AGAP1: variants seen among roughly 807,000 people sequenced by gnomAD.
AGAP1 encodes ArfGAP with GTPase domain, ankyrin repeat and PH domain 1.
AGAP1 carries 29 observed loss-of-function variants against 105.3 expected under a neutral mutation model. That is an observed-to-expected ratio of 0.28 (90% CI 0.21 to 0.38). The LOEUF is 0.38. Among genes scored for constraint, AGAP1 ranks in the 10% least tolerant of loss-of-function variants. The pLI is 1.00. For missense variants in AGAP1, 998 were observed against 1,165.1 expected (o/e 0.86, Z 2.09); for synonymous variants, 509 against 485.9 (o/e 1.05, Z -0.63).
intron 4 of AGAP1, among the ~76,000 whole-genome samples, chr2:235,742,088 C>T (rs1006687130): frequency 3.3e-5 from 5 of 152,184 alleles, no homozygotes; most frequent in South Asian, 2.1e-4. Flanking sequence ...GAGCTGGTAA[C>T]GGCTAGTGAC....
At chr2:235,730,778 T>C (rs1951903019) in intron 3 of AGAP1, among the ~76,000 whole-genome samples, 1 of 152,222 alleles carries the variant, frequency 6.6e-6, no homozygotes, top group Non-Finnish European at 1.5e-5. Flanking sequence ...GCTGAAATAT[T>C]CAAGCACCAC....
chr2:236,112,711 C>T (rs950552760), intron 16 of AGAP1, among the ~76,000 whole-genome samples: 3 of 152,244 alleles, frequency 2.0e-5, no homozygotes, highest in East Asian at 1.9e-4. Flanking sequence ...CGCATTCACA[C>T]GCACACGCAC....
chr2:235,906,979 C>G lies in AGAP1; in HGVS notation c.1156-1759C>G, dbSNP rs6737735. Among the ~76,000 whole-genome samples the G allele has an allele frequency of 0.79, 119,519 of 152,108 alleles. 47,056 individuals carry two copies. The highest frequency in any genetic ancestry group is 0.98 in the East Asian group (5,059 of 5,160). ...TACAGTGAGCTGAGTTCATGCCACT[C>G]CACTCCAGCCTGGGCAACAGAGTGA... On this transcript the variant is annotated intron_variant, in intron 10 of 17. Transcript: ENST00000304032. This position sits in a 1 kb window ranked among gnomAD's most constrained non-coding sequence, Gnocchi z 5.3.
intron 9 of AGAP1, among the ~76,000 whole-genome samples, chr2:235,836,016 C>T (rs145775977): frequency 4.6e-5 from 7 of 152,302 alleles, no homozygotes; most frequent in Admixed American, 2.0e-4. Context: ...AGAACCTGTT[C>T]GCCTGCTGAA....
rs552420204 is a variant in AGAP1 at position 235,739,369 on chromosome 2, G to A, written c.311-1594G>A. Among the ~76,000 whole-genome samples, 358 of 152,316 alleles carry A rather than the reference G, an allele frequency of 2.4e-3. 4 individuals carry two copies. The highest frequency in any genetic ancestry group is 8.0e-3 in the African/African-American group (334 of 41,558). ...TTCTTTTTTGCCTACGAGGACTCTC[G>A]ATTCAGGGACCCTGAGTCTTTGGGA... On this transcript the variant is annotated intron_variant, in intron 3 of 17. Coordinates refer to ENST00000304032, the MANE Select transcript of AGAP1 (RefSeq NM_001037131.3). This position sits in a 1 kb window ranked among gnomAD's most constrained non-coding sequence, Gnocchi z 5.3.
chr2:235,616,444 G>A (rs983725048), intron 1 of AGAP1, among the ~76,000 whole-genome samples: 2 of 152,074 alleles, frequency 1.3e-5, no homozygotes, highest in Non-Finnish European at 2.9e-5. Flanking sequence ...TGAAGGTGAT[G>A]GAAAATAGTT....
intron 1 of AGAP1, among the ~76,000 whole-genome samples, chr2:235,573,188 T>G (rs1393975873): frequency 6.6e-6 from 1 of 150,624 alleles, no homozygotes; most frequent in Non-Finnish European, 1.5e-5. Context: ...GCACCCTGGA[T>G]CTCCTGGGCT....
At chr2:235,505,929 CTTT>C (rs57692049) in intron 1 of AGAP1, 120 of 131,180 alleles carry the variant, frequency 9.1e-4, no homozygotes, top group Admixed American at 1.4e-3. Context: ...AAATTCTTTT[CTTT>C]TTTTTTTTTT....
At chr2:235,913,615 G>A (rs997727273) in intron 11 of AGAP1, among the ~76,000 whole-genome samples, 2 of 152,120 alleles carry the variant, frequency 1.3e-5, no homozygotes, top group African/African-American at 4.8e-5. Flanking sequence ...GACTCCGTTT[G>A]TATCTGGTAG....
At position 235,663,451 on chromosome 2, in the gene AGAP1, T is replaced by C. The variant is rs1407801400; in HGVS notation, c.164-45728T>C. On this transcript the variant is annotated intron_variant, in intron 1 of 17. Coordinates refer to ENST00000304032, the MANE Select transcript of AGAP1 (RefSeq NM_001037131.3). The surrounding 1 kb of genome is among the most constrained non-coding windows in gnomAD (Gnocchi z 5.4). ...ATATACATCAAATATTCAAGTCCCC[T>C]GGGCACAGATAAAAGAGTTTTCAGA... is the stretch of plus-strand genomic sequence containing the variant. Among the ~76,000 whole-genome samples the C allele has an allele frequency of 6.6e-6, 1 of 152,214 alleles. No individual in the cohort carries two copies. The highest frequency in any genetic ancestry group is 1.5e-5 in the Non-Finnish European group (1 of 68,030).
At chr2:235,852,639 G>C (rs1021999552) in intron 9 of AGAP1, 5 of 1,407,442 alleles carry the variant, frequency 3.6e-6, no homozygotes, top group Non-Finnish European at 4.7e-6. Flanking sequence ...ACCCTCATCA[G>C]ATAAAGCAGT....
At chr2:235,546,495 G>A (rs1318921490) in intron 1 of AGAP1, among the ~76,000 whole-genome samples, 1 of 152,166 alleles carries the variant, frequency 6.6e-6, no homozygotes, top group Non-Finnish European at 1.5e-5. Flanking sequence ...AGCTGTGCCT[G>A]GGACCCGCAT....
At position 235,634,816 on chromosome 2, in the gene AGAP1, A is replaced by G. The variant is rs369162383; in HGVS notation, c.164-74363A>G. ...CAAAATGTCAAAATGTTTAATTTTC[A>G]GAGAGAATTGAGTTTACGTACCACG... On this transcript the variant is annotated intron_variant, in intron 1 of 17. Coordinates refer to ENST00000304032, the MANE Select transcript of AGAP1 (RefSeq NM_001037131.3). Among the ~76,000 whole-genome samples, 25 of 152,306 alleles carry G rather than the reference A, an allele frequency of 1.6e-4. No individual in the cohort carries two copies. The East Asian group carries it at 4.8e-3, about 29-fold the overall frequency.
At chr2:236,030,710 G>T (rs952027302) in intron 13 of AGAP1, among the ~76,000 whole-genome samples, 2 of 152,204 alleles carry the variant, frequency 1.3e-5, no homozygotes, top group African/African-American at 4.8e-5. Flanking sequence ...TTGTGATGCA[G>T]TCAGCTTGGA....
chr2:236,032,294 A>T (rs2057247237), intron 13 of AGAP1, among the ~76,000 whole-genome samples: 3 of 152,198 alleles, frequency 2.0e-5, no homozygotes, highest in African/African-American at 7.2e-5. Flanking sequence ...CTGCTAGTTT[A>T]TGCTGCTTAG....
In AGAP1 at chr2:235,741,246, G is replaced by A. The variant is rs1328466990; in HGVS notation, c.396+198G>A. On this transcript the variant is annotated intron_variant, in intron 4 of 17. Coordinates refer to ENST00000304032, the MANE Select transcript of AGAP1 (RefSeq NM_001037131.3). This position sits in a 1 kb window ranked among gnomAD's most constrained non-coding sequence, Gnocchi z 4.9. Reference sequence around the variant, plus strand: ...TTATTTTTTTCCCAGACTAAATCCTGCAGGGAAGTTGGGTTTATGTGATGG... The same window carrying A: ...TTATTTTTTTCCCAGACTAAATCCTACAGGGAAGTTGGGTTTATGTGATGG... Among the ~76,000 whole-genome samples the A allele has an allele frequency of 1.3e-5, 2 of 152,060 alleles. No individual in the cohort carries two copies. Among genetic ancestry groups the A allele is most frequent in the Non-Finnish European group, 2.9e-5 (2 of 68,038 alleles).
rs1199064903 is a variant in AGAP1 at position 236,001,292 on chromosome 2, G to A, written c.1645+32669G>A. On this transcript the variant is annotated intron_variant, in intron 13 of 17. Coordinates refer to ENST00000304032, the MANE Select transcript of AGAP1 (RefSeq NM_001037131.3). The surrounding 1 kb of genome is among the most constrained non-coding windows in gnomAD (Gnocchi z 4.7). ...GGCCTTCAGGCCTCCGAGGAACCCA[G>A]AGGAGGAAACGCATTTTTGTGGTTT... Among the ~76,000 whole-genome samples, 1 of 152,242 alleles carries A rather than the reference G, an allele frequency of 6.6e-6. No homozygotes were observed. Among genetic ancestry groups the A allele is most frequent in the Non-Finnish European group, 1.5e-5 (1 of 68,046 alleles).
chr2:235,525,403 T>C lies in AGAP1; in HGVS notation c.163+30554T>C, dbSNP rs528027348. Among the ~76,000 whole-genome samples the C allele has an allele frequency of 7.2e-5, 10 of 138,462 alleles. No homozygotes were observed. In the East Asian group the frequency reaches 2.1e-3, roughly 30 times the overall value. 90.8% of individuals were successfully genotyped at this position (138,462 alleles called of 152,430 possible). A position where few individuals can be genotyped will look rare whatever the true frequency, so the allele number is the denominator to read the frequency against. On this transcript the variant is annotated intron_variant, in intron 1 of 17. Transcript: ENST00000304032. Reference sequence around the variant, plus strand: ...TATAAAGTAGAGGACTGACACATAATGTGGAGGACTGATTTATAAAGTAGA... The same window carrying C: ...TATAAAGTAGAGGACTGACACATAACGTGGAGGACTGATTTATAAAGTAGA...
Position 235,960,392 on chromosome 2 carries a change from T to G in AGAP1, c.1484-8070T>G, listed in dbSNP as rs1483538625. On this transcript the variant is annotated intron_variant, in intron 12 of 17. Transcript: ENST00000304032. This position sits in a 1 kb window ranked among gnomAD's most constrained non-coding sequence, Gnocchi z 4.9. ...AGTGGCCAGGACAAGGCTCACATTT[T>G]TCTGTTCTCTGTCTCCCCAGCCCTC... Among the ~76,000 whole-genome samples, 2 of 152,210 alleles carry G rather than the reference T, an allele frequency of 1.3e-5. No individual in the cohort carries two copies. The highest frequency in any genetic ancestry group is 2.1e-4 in the South Asian group (1 of 4,824).
Sources: allele counts gnomAD v4.1 joint callset (sites outside exome capture counted in the v4.1 genomes callset), GRCh38; gene constraint gnomAD v4.1.1; non-coding constraint Gnocchi (gnomAD v3.1); transcripts MANE v1.5; gene names NCBI Gene and HGNC (gene_info 2026-07-23, HGNC 2026-07-21).